BZW2: variants seen among roughly 807,000 people sequenced by gnomAD.
The protein encoded by BZW2 is basic leucine zipper and W2 domains 2, also known as eIF5-mimic protein 1.
BZW2 carries 23 observed loss-of-function variants against 53.2 expected under a neutral mutation model. The ratio of observed to expected loss-of-function variants is 0.43; its 90% CI spans 0.31 to 0.61. The LOEUF (loss-of-function observed/expected upper bound fraction) is 0.61. Among genes scored for constraint, BZW2 ranks in the 20% least tolerant of loss-of-function variants. BZW2 has a pLI of 0.09. For missense variants in BZW2, 409 were observed against 503.1 expected (o/e 0.81, Z 1.79); for synonymous variants, 227 against 186.4 (o/e 1.22, Z -1.77).
intron 11 of BZW2, 44 bp from the exon 12 acceptor site, chr7:16,706,014 TAG>T (rs1369373652): frequency 2.5e-6 from 4 of 1,611,636 alleles, no homozygotes; most frequent in Non-Finnish European, 3.4e-6. Context: ...TGACCTTAAT[TAG>T]AGGAATCTGG....
chr7:16,652,569 T>G (rs1416213063), intron 1 of BZW2, among the ~76,000 whole-genome samples: 3 of 152,258 alleles, frequency 2.0e-5, no homozygotes, highest in African/African-American at 4.8e-5. Context: ...CAGTCTGGAG[T>G]GCGATGGTGT....
chr7:16,683,167 G>T (rs144854583), intron 5 of BZW2, among the ~76,000 whole-genome samples: 271 of 152,272 alleles, frequency 1.8e-3, no homozygotes, highest in African/African-American at 6.1e-3. Flanking sequence ...CTGCACTCCA[G>T]CCTGGGCAAC....
intron 2 of BZW2, among the ~76,000 whole-genome samples, chr7:16,669,520 A>C (rs73312785): frequency 6.6e-6 from 1 of 152,222 alleles, no homozygotes; most frequent in Admixed American, 6.5e-5. Flanking sequence ...TATATGTGCA[A>C]ATATGAGTAT....
chr7:16,686,839 G>T (rs911395269), intron 6 of BZW2: 2 of 152,120 alleles, frequency 1.3e-5, no homozygotes, highest in Non-Finnish European at 2.9e-5. Context: ...GAGTCAATTG[G>T]TCTTATTCAG....
chr7:16,683,449 G>C (rs1039247165), intron 5 of BZW2, among the ~76,000 whole-genome samples: 4 of 152,180 alleles, frequency 2.6e-5, no homozygotes, highest in Admixed American at 6.5e-5. Flanking sequence ...ACCTTGCAGA[G>C]ATTAAAATGA....
At chr7:16,705,408 A>G (rs182762273) in intron 11 of BZW2, among the ~76,000 whole-genome samples, 124 of 152,174 alleles carry the variant, frequency 8.1e-4, no homozygotes, top group Admixed American at 2.1e-3. Context: ...AGTTCAGGCC[A>G]GGCACGGTGG....
chr7:16,691,718 G>A (rs1783312820), intron 7 of BZW2, among the ~76,000 whole-genome samples: 1 of 152,234 alleles, frequency 6.6e-6, no homozygotes, highest in South Asian at 2.1e-4. Context: ...GAAGGTGTAT[G>A]ATTGGGAACA....
chr7:16,667,406 G>T (rs1372653480), intron 2 of BZW2, among the ~76,000 whole-genome samples: 1 of 152,182 alleles, frequency 6.6e-6, no homozygotes, highest in Non-Finnish European at 1.5e-5. Flanking sequence ...AATATTTAAG[G>T]AAGTATGTAT....
intron 4 of BZW2, among the ~76,000 whole-genome samples, chr7:16,681,817 A>T (rs1404299920): frequency 6.6e-6 from 1 of 152,208 alleles, no homozygotes; most frequent in Non-Finnish European, 1.5e-5. Context: ...TGACAGAGTG[A>T]GATTCCATCT....
intron 5 of BZW2, among the ~76,000 whole-genome samples, chr7:16,683,809 A>T (rs1783030350): frequency 6.6e-6 from 1 of 152,184 alleles, no homozygotes; most frequent in South Asian, 2.1e-4. Flanking sequence ...CCAAGTGAAA[A>T]AAGTAACCAT....
intron 1 of BZW2, among the ~76,000 whole-genome samples, chr7:16,652,116 C>T (rs1781996181): frequency 6.6e-6 from 1 of 152,164 alleles, no homozygotes; most frequent in Admixed American, 6.5e-5. Context: ...CTTACCAATG[C>T]TAGAATGGAA....
chr7:16,683,675 A>T (rs918476800), intron 5 of BZW2, among the ~76,000 whole-genome samples: 1 of 152,228 alleles, frequency 6.6e-6, no homozygotes. Context: ...GAGTAATTGC[A>T]TGTTCCCTCT....
chr7:16,684,500 A>C (rs1783054257), intron 5 of BZW2, among the ~76,000 whole-genome samples: 2 of 152,196 alleles, frequency 1.3e-5, no homozygotes, highest in Admixed American at 1.3e-4. Context: ...TACCATTTCT[A>C]TGTGATTAAG....
chr7:16,666,289 A>C (rs1273968271), intron 2 of BZW2, among the ~76,000 whole-genome samples: 1 of 151,864 alleles, frequency 6.6e-6, no homozygotes, highest in Non-Finnish European at 1.5e-5. Flanking sequence ...TTGTAGAGAC[A>C]GGGTCTCAAA....
At chr7:16,648,779 T>A (rs555344303) in intron 1 of BZW2, among the ~76,000 whole-genome samples, 1 of 152,226 alleles carries the variant, frequency 6.6e-6, no homozygotes, top group South Asian at 2.1e-4. Flanking sequence ...TGTTCCTGCT[T>A]TTCTCCTCCT....
intron 6 of BZW2, among the ~76,000 whole-genome samples, chr7:16,689,109 C>A (rs1432762518): frequency 6.6e-6 from 1 of 152,008 alleles, no homozygotes; most frequent in Non-Finnish European, 1.5e-5. Flanking sequence ...GCCTGTAATC[C>A]CAGCTACTTG....
intron 1 of BZW2, among the ~76,000 whole-genome samples, chr7:16,659,378 G>C (rs1345796481): frequency 6.6e-6 from 1 of 152,096 alleles, no homozygotes; most frequent in Non-Finnish European, 1.5e-5. Flanking sequence ...TATTAAACAA[G>C]CTAATGTTAT....
intron 3 of BZW2, among the ~76,000 whole-genome samples, chr7:16,675,978 T>C (rs67418580): frequency 0.29 from 43,344 of 151,860 alleles, 7,032 homozygotes; most frequent in African/African-American, 0.45. Context: ...CTACTAGAGA[T>C]GCTGAGGCAG....
intron 10 of BZW2, among the ~76,000 whole-genome samples, chr7:16,704,217 C>T (rs533845966): frequency 6.6e-6 from 1 of 152,294 alleles, no homozygotes; most frequent in African/African-American, 2.4e-5. Flanking sequence ...GCTGGAATTG[C>T]TGGTTCATTT....
Sources: allele counts gnomAD v4.1 joint callset (sites outside exome capture counted in the v4.1 genomes callset), GRCh38; gene constraint gnomAD v4.1.1; transcripts MANE v1.5; gene names NCBI Gene and HGNC (gene_info 2026-07-23, HGNC 2026-07-21).